Variants in KBTBD6 observed in about 807,000 individuals in gnomAD.
KBTBD6 encodes the protein kelch repeat and BTB domain-containing protein 6.
KBTBD6 carries 6 observed loss-of-function variants against 34.4 expected under a neutral mutation model. The ratio of observed to expected loss-of-function variants is 0.17; its 90% confidence interval spans 0.10 to 0.34. The LOEUF is 0.34. KBTBD6 is among the 10% of genes least tolerant of loss of function. KBTBD6 has a pLI of 1.00. For synonymous variants in KBTBD6, 288 were observed against 327.2 expected (o/e 0.88, Z 1.29); for missense variants, 557 against 856.0 (o/e 0.65, Z 4.36).
rs2030080293 is a variant in KBTBD6 at position 41,131,088 on chromosome 13, A to G, written c.1424T>C (p.Leu475Ser). 1 of 1,614,208 alleles carries G rather than the reference A, an allele frequency of 6.2e-7. No individual in the cohort carries two copies. The highest frequency in any genetic ancestry group is 1.1e-5 in the South Asian group (1 of 91,084). ...TCGAATTACCATTAGGTCAAAGGATAAAAAAGAATGGGGCAGTGGAGCCAC... is the reference window on the plus strand; with the variant it reads ...TCGAATTACCATTAGGTCAAAGGATGAAAAAGAATGGGGCAGTGGAGCCAC... Reference protein sequence around the residue: ...ALVAPLPHSFLSFDLMVIRDY... With the variant: ...ALVAPLPHSFSSFDLMVIRDY... The change falls in exon 1 of 1, where the codon TTA becomes TCA. Residue 475 changes from leucine to serine, a missense_variant. Leu to Ser is a moderately radical substitution (Grantham distance 145, BLOSUM62 -2). Transcript: ENST00000379485. This position sits in a 1 kb window ranked among gnomAD's most constrained non-coding sequence, Gnocchi z 5.8.
In KBTBD6 at chr13:41,131,623, C is replaced by A. The variant is rs772975373; in HGVS notation, c.889G>T (p.Gly297Trp). Residue 297 changes from glycine to tryptophan, a missense_variant, in exon 1 of 1, where the codon GGG becomes TGG. Coordinates refer to ENST00000379485, the MANE Select transcript of KBTBD6 (RefSeq NM_152903.5). The surrounding 1 kb of genome is among the most constrained non-coding windows in gnomAD (Gnocchi z 5.8). ...TCACCATAGCGCATCTGCAGGGCCC[C>A]TTCAATAACGTCCAGGCAGTACTTC... The part of the protein sequence containing the change: ...VKKYCLDVIE[G>W]ALQMRYGDLL... The A allele has an allele frequency of 1.2e-6, 2 of 1,613,534 alleles. No homozygotes were observed. The highest frequency in any genetic ancestry group is 1.7e-6 in the Non-Finnish European group (2 of 1,179,508).
chr13:41,131,953 T>G lies in KBTBD6; in HGVS notation c.559A>C (p.Lys187Gln). The G allele has an allele frequency of 6.2e-7, 1 of 1,614,274 alleles. No individual in the cohort carries two copies. Among genetic ancestry groups the G allele is most frequent in the South Asian group, 1.1e-5 (1 of 91,092 alleles). The change falls in exon 1 of 1, where the codon AAG (lysine) becomes CAG (glutamine). Residue 187 changes from lysine (K) to glutamine (Q), a missense_variant. Around this residue, in one of 4 missense-constraint regions of KBTBD6, gnomAD observed 100 missense variants for 102.1 expected, o/e 0.98. Transcript: ENST00000379485. This position sits in a 1 kb window ranked among gnomAD's most constrained non-coding sequence, Gnocchi z 5.8. Reference sequence around the variant, plus strand: ...TAGGACTGGGCCTGGGATCGCAGCTTGCGATGGCCAAAGGCATCTGCAAAC... The same window carrying G: ...TAGGACTGGGCCTGGGATCGCAGCTGGCGATGGCCAAAGGCATCTGCAAAC... ...LKFADAFGHR[K>Q]LRSQAQSYIA...
At position 41,132,188 on chromosome 13, in the gene KBTBD6, C is replaced by A. The variant is rs1224214624; in HGVS notation, c.324G>T (p.Gln108His). ...SMFTGGMYES[Q>H]QASVTMHDVD... ...CATCGTGCATGGTCACGCTGGCCTG[C>A]TGGCTCTCGTACATGCCACCTGTGA... Residue 108 changes from glutamine to histidine, a missense_variant, in exon 1 of 1, where the codon CAG (glutamine) becomes CAT (histidine). Gln to His is a conservative substitution (Grantham distance 24, BLOSUM62 0). Transcript: ENST00000379485. 1.9e-6 allele frequency: 3 copies of A among 1,614,126 alleles called. No homozygotes were observed. Among genetic ancestry groups the A allele is most frequent in the Non-Finnish European group, 2.5e-6 (3 of 1,180,050 alleles).
At position 41,132,748 on chromosome 13, in the gene KBTBD6, G is replaced by A; in HGVS notation, c.-237C>T. The A allele has an allele frequency of 1.7e-6, 1 of 573,850 alleles. No homozygotes were observed. Among genetic ancestry groups the A allele is most frequent in the Non-Finnish European group, 3.1e-6 (1 of 320,154 alleles). 35.5% of individuals were successfully genotyped at this position (573,850 alleles called of 1,614,324 possible). A position where few individuals can be genotyped will look rare whatever the true frequency, so the allele number is the denominator to read the frequency against. On this transcript the variant is annotated 5_prime_UTR_variant, in exon 1 of 1. Transcript: ENST00000379485. ...TTCTCCGCGTCTGCTCGCCTTCACA[G>A]GACCCGCTGGCTTGGAGCCGCAGAA... is the stretch of plus-strand genomic sequence containing the variant.
Position 41,130,551 on chromosome 13 carries a change from G to C in KBTBD6, c.1961C>G (p.Ser654Cys), listed in dbSNP as rs202193213. The stretch of plus-strand genomic sequence containing the variant: ...AAGAGAACTTGAACTTCCTGACTCA[G>C]AGTCTGGCTCACTGAATCCACCTAA... ...WDLGGFSEPD[S>C]ESGSSSSLSD... The change falls in exon 1 of 1, where the codon TCT (serine) becomes TGT (cysteine). Residue 654 changes from serine to cysteine, a missense_variant. Coordinates refer to ENST00000379485, the MANE Select transcript of KBTBD6 (RefSeq NM_152903.5). The surrounding 1 kb of genome is among the most constrained non-coding windows in gnomAD (Gnocchi z 4.8). 18 of 1,614,202 alleles carry C rather than the reference G, an allele frequency of 1.1e-5. No individual in the cohort carries two copies. Among genetic ancestry groups the C allele is most frequent in the Non-Finnish European group, 1.4e-5 (17 of 1,180,038 alleles).
Position 41,130,940 on chromosome 13 carries a change from C to A in KBTBD6, c.1572G>T (p.Glu524Asp). 6.2e-7 allele frequency: 1 copy of A among 1,614,140 alleles called. No individual in the cohort carries two copies. The highest frequency in any genetic ancestry group is 8.5e-7 in the Non-Finnish European group (1 of 1,180,004). The change falls in exon 1 of 1, where the codon GAG (glutamate) becomes GAT (aspartate). Residue 524 changes from glutamate (E) to aspartate (D), a missense_variant. Physicochemically the swap from Glu to Asp is conservative, Grantham distance 45. This residue lies in a region of KBTBD6 where 309 missense variants were observed against 504.5 expected (regional missense o/e 0.61). Transcript: ENST00000379485. This position sits in a 1 kb window ranked among gnomAD's most constrained non-coding sequence, Gnocchi z 4.8. ...DFQEACVFNEEIYCICDIPVM... is the reference protein window; with the variant it reads ...DFQEACVFNEDIYCICDIPVM... ...CTGGGATATCACAGATACAATAGAT[C>A]TCCTCATTGAAGACGCAGGCTTCCT...
chr13:41,130,449 C>A lies in KBTBD6; in HGVS notation c.*38G>T. On this transcript the variant is annotated 3_prime_UTR_variant, in exon 1 of 1. Transcript: ENST00000379485. This position sits in a 1 kb window ranked among gnomAD's most constrained non-coding sequence, Gnocchi z 4.8. ...AAACAGTAAAAACAACTTAGTGTTTCAATCTAGTTACAACAAACCCTGTTG... is the reference window on the plus strand; with the variant it reads ...AAACAGTAAAAACAACTTAGTGTTTAAATCTAGTTACAACAAACCCTGTTG... 1 of 1,420,072 alleles carries A rather than the reference C, an allele frequency of 7.0e-7. No homozygotes were observed. Among genetic ancestry groups the A allele is most frequent in the South Asian group, 1.3e-5 (1 of 75,800 alleles). The allele number at this position is 1,420,072 out of a possible 1,614,324, so 88.0% of individuals were successfully genotyped here.
rs1175223127 is a variant in KBTBD6, at chr13:41,128,484, G to A, written c.*2003C>T. The A allele has an allele frequency of 2.5e-6, 1 of 396,860 alleles. No homozygotes were observed. The highest frequency in any genetic ancestry group is 4.4e-6 in the Non-Finnish European group (1 of 224,972). 24.6% of individuals were successfully genotyped at this position (396,860 alleles called of 1,614,324 possible). ...TTATGGTAACAGAAAAACAAAGACT[G>A]GAGCATGGTTTACAGAGAAATACAA... On this transcript the variant is annotated 3_prime_UTR_variant, in exon 1 of 1. Transcript: ENST00000379485.
rs758950412 is a variant in KBTBD6, at chr13:41,131,830, A to G, written c.682T>C (p.Leu228=). 5.6e-6 allele frequency: 9 copies of G among 1,614,078 alleles called. No individual in the cohort carries two copies. The Admixed American group carries it at 6.7e-5, about 12-fold the overall frequency. Residue 228 remains leucine (L), a synonymous_variant, in exon 1 of 1, where the codon TTG becomes CTG. Transcript: ENST00000379485. The surrounding 1 kb of genome is among the most constrained non-coding windows in gnomAD (Gnocchi z 5.8). The stretch of plus-strand genomic sequence containing the variant: ...TCACTCTCCACGTCCAGACTATCCA[A>G]GCGCAGGACAGCCAGCAGCTGGGCC... ...TLAQLLAVLR[L]DSLDVESEQT...
chr13:41,131,901 C>A lies in KBTBD6; in HGVS notation c.611G>T (p.Ser204Ile). The A allele has an allele frequency of 6.2e-7, 1 of 1,614,250 alleles. No individual in the cohort carries two copies. Among genetic ancestry groups the A allele is most frequent in the Non-Finnish European group, 8.5e-7 (1 of 1,180,054 alleles). The change falls in exon 1 of 1, where the codon AGC becomes ATC. Residue 204 changes from serine (S) to isoleucine (I), a missense_variant. By Grantham distance (142) the Ser-to-Ile change is moderately radical (BLOSUM62 -2). Transcript: ENST00000379485. The surrounding 1 kb of genome is among the most constrained non-coding windows in gnomAD (Gnocchi z 5.8). ...SYIAQNFKQL[S>I]HMGSIREETL... ...CTCCTCCCGAATTGAACCCATGTGG[C>A]TGAGTTGCTTGAAGTTCTGAGCTAT...
chr13:41,130,744 T>C lies in KBTBD6; in HGVS notation c.1768A>G (p.Ile590Val), dbSNP rs755633891. Residue 590 changes from isoleucine to valine, a missense_variant, in exon 1 of 1, where the codon ATT (isoleucine) becomes GTT (valine). Around this residue, in one of 4 missense-constraint regions of KBTBD6, gnomAD observed 309 missense variants for 504.5 expected, o/e 0.61. Transcript: ENST00000379485. This position sits in a 1 kb window ranked among gnomAD's most constrained non-coding sequence, Gnocchi z 4.8. ...ATATTAATCCATTGGTCTCCCCTAA[T>C]ATCATATTCATACACAGTCACCCGG... The part of the protein sequence containing the change: ...KNRVTVYEYD[I>V]RGDQWINIGT... The C allele has an allele frequency of 6.2e-7, 1 of 1,614,086 alleles. No individual in the cohort carries two copies. The highest frequency in any genetic ancestry group is 8.5e-7 in the Non-Finnish European group (1 of 1,180,044).
chr13:41,130,972 C>A lies in KBTBD6; in HGVS notation c.1540G>T (p.Asp514Tyr). 1 of 1,614,162 alleles carries A rather than the reference C, an allele frequency of 6.2e-7. No homozygotes were observed. Among genetic ancestry groups the A allele is most frequent in the South Asian group, 1.1e-5 (1 of 91,074 alleles). The change falls in exon 1 of 1, where the codon GAC becomes TAC. Residue 514 changes from aspartate (D) to tyrosine (Y), a missense_variant. This residue lies in a region of KBTBD6 where 309 missense variants were observed against 504.5 expected (regional missense o/e 0.61). Transcript: ENST00000379485. This position sits in a 1 kb window ranked among gnomAD's most constrained non-coding sequence, Gnocchi z 4.8. ...WLKCVSLKRN[D>Y]FQEACVFNEE... ...TTGAAGACGCAGGCTTCCTGAAAGT[C>A]ATTGCGCTTCAGAGAAACGCACTTC...
In KBTBD6 at chr13:41,130,498, C is replaced by T. The variant is rs1253762683; in HGVS notation, c.2014G>A (p.Ala672Thr). 6.2e-7 allele frequency: 1 copy of T among 1,612,900 alleles called. No homozygotes were observed. The highest frequency in any genetic ancestry group is 1.1e-5 in the South Asian group (1 of 90,948). Residue 672 changes from alanine (A) to threonine (T), a missense_variant, in exon 1 of 1, where the codon GCG (alanine) becomes ACG (threonine). Physicochemically the swap from Ala to Thr is moderately conservative, Grantham distance 58. This residue lies in a region of KBTBD6 where 309 missense variants were observed against 504.5 expected (regional missense o/e 0.61). Coordinates refer to ENST00000379485, the MANE Select transcript of KBTBD6 (RefSeq NM_152903.5). The surrounding 1 kb of genome is among the most constrained non-coding windows in gnomAD (Gnocchi z 4.8). ...TGATCCTGTGCATTTCACTGAGGCG[C>T]TACACGCACCCAAAAATCATCATCA... ...LSDDDFWVRV[A>T]PQ
rs762245941 is a variant in KBTBD6 at position 41,132,362 on chromosome 13, C to T, written c.150G>A (p.Leu50=). 1.9e-6 allele frequency: 3 copies of T among 1,614,108 alleles called. No homozygotes were observed. The highest frequency in any genetic ancestry group is 2.2e-5 in the East Asian group (1 of 44,884). ...CATCGTAGAAGGACTTGAGCTGTGC[C>T]AGCAGGGCTGCAGAATGGGCCGTGT... ...LKDTAHSAAL[L]AQLKSFYDAR... The change falls in exon 1 of 1, where the codon CTG becomes CTA. Residue 50 remains leucine (L), a synonymous_variant. Coordinates refer to ENST00000379485, the MANE Select transcript of KBTBD6 (RefSeq NM_152903.5).
At position 41,132,546 on chromosome 13, in the gene KBTBD6, C is replaced by T; in HGVS notation, c.-35G>A. 6.3e-7 allele frequency: 1 copy of T among 1,596,988 alleles called. No individual in the cohort carries two copies. The highest frequency in any genetic ancestry group is 1.7e-4 in the Middle Eastern group (1 of 5,882). ...GGCGACGGGCGCTGATGGCGAGAAA[C>T]GCTGCAGGACCCGGCTCTGGCTCCT... On this transcript the variant is annotated 5_prime_UTR_variant, in exon 1 of 1. Coordinates refer to ENST00000379485, the MANE Select transcript of KBTBD6 (RefSeq NM_152903.5).
At position 41,128,534 on chromosome 13, in the gene KBTBD6, A is replaced by G. The variant is rs2030033131; in HGVS notation, c.*1953T>C. ...AAACACATACAAACATCATAATAAA[A>G]TAGCCATTTATATCACTATTAGAGA... On this transcript the variant is annotated 3_prime_UTR_variant, in exon 1 of 1. Coordinates refer to ENST00000379485, the MANE Select transcript of KBTBD6 (RefSeq NM_152903.5). 1 of 397,662 alleles carries G rather than the reference A, an allele frequency of 2.5e-6. No homozygotes were observed. The highest frequency in any genetic ancestry group is 1.3e-4 in the South Asian group (1 of 7,850). The allele number at this position is 397,662 out of a possible 1,614,324, so 24.6% of individuals were successfully genotyped here. A position where few individuals can be genotyped will look rare whatever the true frequency, so the allele number is the denominator to read the frequency against.
In KBTBD6 at chr13:41,130,477, C is replaced by T. The variant is rs1341215921; in HGVS notation, c.*10G>A. 6.3e-7 allele frequency: 1 copy of T among 1,589,244 alleles called. No individual in the cohort carries two copies. Among genetic ancestry groups the T allele is most frequent in the Non-Finnish European group, 8.6e-7 (1 of 1,161,868 alleles). ...TCTAGTTACAACAAACCCTGTTGAT[C>T]CTGTGCATTTCACTGAGGCGCTACA... On this transcript the variant is annotated 3_prime_UTR_variant, in exon 1 of 1. Transcript: ENST00000379485. This position sits in a 1 kb window ranked among gnomAD's most constrained non-coding sequence, Gnocchi z 4.8.
chr13:41,131,964 A>C lies in KBTBD6; in HGVS notation c.548T>G (p.Phe183Cys). The C allele has an allele frequency of 6.2e-7, 1 of 1,614,282 alleles. No homozygotes were observed. Among genetic ancestry groups the C allele is most frequent in the Non-Finnish European group, 8.5e-7 (1 of 1,180,056 alleles). ...CTGGGATCGCAGCTTGCGATGGCCAAAGGCATCTGCAAACTTGAGGATGGC... is the reference window on the plus strand; with the variant it reads ...CTGGGATCGCAGCTTGCGATGGCCACAGGCATCTGCAAACTTGAGGATGGC... ...CTAILKFADA[F>C]GHRKLRSQAQ... The change falls in exon 1 of 1, where the codon TTT (phenylalanine) becomes TGT (cysteine). Residue 183 changes from phenylalanine to cysteine, a missense_variant. Coordinates refer to ENST00000379485, the MANE Select transcript of KBTBD6 (RefSeq NM_152903.5). This position sits in a 1 kb window ranked among gnomAD's most constrained non-coding sequence, Gnocchi z 5.8.
rs149412893 is a variant in KBTBD6, at chr13:41,131,861, C to T, written c.651G>A (p.Leu217=). 186 of 1,614,126 alleles carry T rather than the reference C, an allele frequency of 1.2e-4. No homozygotes were observed. Among genetic ancestry groups the T allele is most frequent in the Middle Eastern group, 1.6e-4 (1 of 6,084 alleles). ...GGACAGCCAGCAGCTGGGCCAGGGT[C>T]AGATCTGCTAGAGTCTCCTCCCGAA... ...GSIREETLAD[L]TLAQLLAVLR... The change falls in exon 1 of 1, where the codon CTG becomes CTA. Residue 217 remains leucine, a synonymous_variant. Coordinates refer to ENST00000379485, the MANE Select transcript of KBTBD6 (RefSeq NM_152903.5). The surrounding 1 kb of genome is among the most constrained non-coding windows in gnomAD (Gnocchi z 5.8).
Sources: allele counts gnomAD v4.1 joint callset, GRCh38; gene constraint gnomAD v4.1.1; regional missense constraint gnomAD v4.1.1; non-coding constraint Gnocchi (gnomAD v3.1); transcripts MANE v1.5; gene names NCBI Gene and HGNC (gene_info 2026-07-23, HGNC 2026-07-21).